The following PDK3 variants were observed in gnomAD, a reference collection of about 807,000 sequenced individuals.
PDK3 encodes the protein pyruvate dehydrogenase kinase, isozyme 3.
In PDK3, 12 loss-of-function variants were observed where a neutral mutation model predicts 32.0. The observed-to-expected ratio is 0.37, with a 90% confidence interval of 0.24 to 0.61. The LOEUF (loss-of-function observed/expected upper bound fraction) is 0.61. Among genes scored for constraint, PDK3 ranks in the 20% least tolerant of loss-of-function variants. PDK3 has a pLI of 0.65. For missense variants in PDK3, 188 were observed against 316.9 expected (o/e 0.59, Z 3.09); for synonymous variants, 122 against 116.3 (o/e 1.05, Z -0.31).
intron 8 of PDK3, 108 bp downstream of exon 8, chrX:24,527,783 T>G: frequency 1.9e-6 from 1 of 518,503 alleles, no homozygotes; most frequent in Non-Finnish European, 3.2e-6. Flanking sequence ...AGTGTCCTGT[T>G]TGTAAGTTCT....
In PDK3 at chrX:24,503,344, T is replaced by C. The variant is rs1569223291; in HGVS notation, c.338T>C (p.Ile113Thr). 5 of 1,202,128 alleles carry C rather than the reference T, an allele frequency of 4.2e-6. No homozygotes were observed. The highest frequency in any genetic ancestry group is 5.6e-6 in the Non-Finnish European group (5 of 890,354). ...QVLDNFLQVL[I>T]KVRNRHNDVV... ...TCACACAGCTTTCTACAAGTTCTGA[T>C]TAAAGTCAGAAATAGACACAATGAT... Residue 113 changes from isoleucine to threonine, a missense_variant, in exon 4 of 11, where the codon ATT (isoleucine) becomes ACT (threonine). By Grantham distance (89) the Ile-to-Thr change is moderately conservative. Coordinates refer to ENST00000379162, the MANE Select transcript of PDK3 (RefSeq NM_005391.5).
intron 5 of PDK3, among the ~76,000 whole-genome samples, chrX:24,510,916 A>G (rs1003362609): frequency 6.2e-5 from 7 of 112,263 alleles, no homozygotes; most frequent in Non-Finnish European, 1.3e-4. Flanking sequence ...TCTCCAGTCG[A>G]CTGTCTGCTT....
At chrX:24,490,863 C>A (rs1602107890) in intron 1 of PDK3, among the ~76,000 whole-genome samples, 1 of 111,657 alleles carries the variant, frequency 9.0e-6, no homozygotes, top group Admixed American at 9.6e-5. Context: ...AGGCTGCCAA[C>A]TTGGAAATTT....
chrX:24,506,923 G>T (rs775084485), intron 5 of PDK3, among the ~76,000 whole-genome samples: 1 of 100,095 alleles, frequency 1.0e-5, no homozygotes, highest in South Asian at 5.0e-4. Flanking sequence ...TGATTCTCCT[G>T]CCTCAGCCTC....
intron 1 of PDK3, among the ~76,000 whole-genome samples, chrX:24,481,052 T>TC (rs10693382): frequency 0.032 from 3,430 of 108,166 alleles, 79 homozygotes; most frequent in South Asian, 0.22. Context: ...TCTTTTTCTT[T>TC]TTTTTTTTTT....
At position 24,465,359 on chromosome X, in the gene PDK3, C is replaced by G; in HGVS notation, c.-97C>G. 1.8e-6 allele frequency: 1 copy of G among 552,463 alleles called. No homozygotes were observed. Among genetic ancestry groups the G allele is most frequent in the East Asian group, 4.3e-5 (1 of 23,059 alleles). The allele number at this position is 552,463 out of a possible 1,213,427, so 45.5% of individuals were successfully genotyped here. ...CGAGGCCGAGATCGAGGCCGGGGTG[C>G]GCGCTTCGCAAACGTGCCCTATCCG... On this transcript the variant is annotated 5_prime_UTR_variant, in exon 1 of 11. Transcript: ENST00000379162.
At chrX:24,482,068 G>T (rs999473256) in intron 1 of PDK3, among the ~76,000 whole-genome samples, 1 of 112,123 alleles carries the variant, frequency 8.9e-6, no homozygotes, top group Non-Finnish European at 1.9e-5. Flanking sequence ...ACACAATAGT[G>T]GTTAGCTGTA....
At chrX:24,481,685 C>T (rs755503637) in intron 1 of PDK3, among the ~76,000 whole-genome samples, 1 of 111,727 alleles carries the variant, frequency 9.0e-6, no homozygotes, top group East Asian at 2.8e-4. Context: ...TGTAGCACTT[C>T]TCCCTTTGCT....
intron 1 of PDK3, among the ~76,000 whole-genome samples, chrX:24,485,447 T>TGTA (rs1449383014): frequency 9.0e-6 from 1 of 111,670 alleles, no homozygotes; most frequent in Non-Finnish European, 1.9e-5. Flanking sequence ...CAGAAGGCAC[T>TGTA]GTAGCAGAGG....
rs1464492052 is a variant in PDK3, at chrX:24,529,772, A to AG, written c.963+1586_963+1587insG. Among the ~76,000 whole-genome samples the AG allele has an allele frequency of 1.3e-4, 14 of 110,962 alleles. No individual in the cohort carries two copies. The South Asian group carries it at 2.6e-3, about 21-fold the overall frequency. ...AGGCTCTGCCTCAAAAAAAAAAAAA[A>AG]AAAGAAAAGAAAAAGAAACTGTCCT... is the stretch of plus-strand genomic sequence containing the variant. On this transcript the variant is annotated intron_variant, in intron 9 of 10. Coordinates refer to ENST00000379162, the MANE Select transcript of PDK3 (RefSeq NM_005391.5).
chrX:24,492,519 G>T (rs751720789), intron 1 of PDK3, among the ~76,000 whole-genome samples: 2 of 111,527 alleles, frequency 1.8e-5, no homozygotes, highest in Non-Finnish European at 1.9e-5. Flanking sequence ...AACCTGGGGG[G>T]TGGAGGTTGC....
intron 4 of PDK3, among the ~76,000 whole-genome samples, chrX:24,504,652 AC>A (rs1921938759): frequency 8.9e-6 from 1 of 112,175 alleles, no homozygotes; most frequent in Non-Finnish European, 1.9e-5. Context: ...TTATTCAGAA[AC>A]AAAATTTTGC....
chrX:24,519,589 C>T (rs779346476), intron 6 of PDK3, among the ~76,000 whole-genome samples: 107 of 110,048 alleles, frequency 9.7e-4, no homozygotes, highest in African/African-American at 2.5e-3. Flanking sequence ...AGGCTGGTTT[C>T]GAACTCATGA....
At chrX:24,545,213 G>T (rs1015373195) in exon 12 of PDK3, among the ~76,000 whole-genome samples, 11 of 112,092 alleles carry the variant, frequency 9.8e-5, no homozygotes, top group African/African-American at 3.2e-4. Context: ...CACTGAGGGG[G>T]TTAACATCTC....
At chrX:24,501,375 T>C (rs1188170975) in intron 3 of PDK3, among the ~76,000 whole-genome samples, 1 of 112,893 alleles carries the variant, frequency 8.9e-6, no homozygotes, top group Non-Finnish European at 1.9e-5. Context: ...GACTGGTTTG[T>C]AGTTTTCATG....
intron 5 of PDK3, among the ~76,000 whole-genome samples, chrX:24,506,328 C>A (rs1437698613): frequency 2.7e-5 from 3 of 111,961 alleles, no homozygotes; most frequent in Non-Finnish European, 5.6e-5. Flanking sequence ...TTGATCAGAA[C>A]CTCCAAAGGC....
At position 24,512,918 on chromosome X, in the gene PDK3, G is replaced by T. The variant is rs756594006; in HGVS notation, c.596-6015G>T. On this transcript the variant is annotated intron_variant, in intron 5 of 10. Transcript: ENST00000379162. ...GTACTGGACGACTCAGTGGCAGCTT[G>T]TTGGGCACTCTAGTCCTTCACAGAT... is the stretch of plus-strand genomic sequence containing the variant. Among the ~76,000 whole-genome samples, 9 of 111,420 alleles carry T rather than the reference G, an allele frequency of 8.1e-5. No homozygotes were observed. In the East Asian group the frequency reaches 2.3e-3, roughly 28 times the overall value.
At chrX:24,473,418 A>G (rs1466655843) in intron 1 of PDK3, among the ~76,000 whole-genome samples, 2 of 80,080 alleles carry the variant, frequency 2.5e-5, no homozygotes, top group Non-Finnish European at 4.8e-5. Context: ...CCAACCACAC[A>G]TTTGTTGAAT....
At chrX:24,519,086 G>A (rs1922330149) in intron 6 of PDK3, 76 bp downstream of exon 6, 1 of 592,854 alleles carries the variant, frequency 1.7e-6, no homozygotes, top group South Asian at 3.1e-5. Context: ...CCATATTTCA[G>A]TGAGCTCCAA....
Sources: gnomAD v4.1 joint callset for allele counts (sites outside exome capture counted in the v4.1 genomes callset) on GRCh38, gnomAD v4.1.1 for gene constraint, MANE v1.5 for transcripts, NCBI Gene and HGNC (gene_info 2026-07-23, HGNC 2026-07-21) for gene names.